Variants in LIFR observed in about 807,000 individuals in gnomAD.
LIFR encodes the protein leukemia inhibitory factor receptor.
A neutral mutation model predicts 122.2 loss-of-function variants in LIFR; 84 were observed. That is an observed-to-expected ratio of 0.69 (90% confidence interval 0.58 to 0.82). The LOEUF (loss-of-function observed/expected upper bound fraction) is 0.82. LIFR is among the 40% of genes least tolerant of loss of function. The pLI, the probability that LIFR is intolerant of heterozygous loss-of-function variation, is 0.00. For synonymous variants in LIFR, 422 were observed against 434.7 expected (o/e 0.97, Z 0.36); for missense variants, 1,294 against 1,311.6 (o/e 0.99, Z 0.21).
In LIFR at chr5:38,572,656, T is replaced by C. The variant is rs763721009; in HGVS notation, c.-20+22605A>G. Among the ~76,000 whole-genome samples the C allele has an allele frequency of 3.3e-5, 5 of 152,184 alleles. No homozygotes were observed. The East Asian group carries it at 7.7e-4, about 23-fold the overall frequency. ...GGGGGTCAGAATATCTTTCCAACGC[T>C]ATGCTTCAGGCAGTCATTTCCAATC... is the stretch of plus-strand genomic sequence containing the variant. On this transcript the variant is annotated intron_variant, in intron 1 of 19. Coordinates refer to the LIFR transcript ENST00000263409.
chr5:38,582,427 ATACT>A (rs1467891183), intron 1 of LIFR, among the ~76,000 whole-genome samples: 4 of 152,164 alleles, frequency 2.6e-5, no homozygotes, highest in Non-Finnish European at 5.9e-5. Flanking sequence ...TGTTCACTAA[ATACT>A]TACATCGTTT....
chr5:38,570,384 G>A (rs969791399), intron 1 of LIFR, among the ~76,000 whole-genome samples: 8 of 152,194 alleles, frequency 5.3e-5, no homozygotes, highest in Non-Finnish European at 1.5e-5. Context: ...ATTCTGTGGA[G>A]AGGACTTCAT....
intron 1 of LIFR, among the ~76,000 whole-genome samples, chr5:38,584,948 T>C (rs1244192775): frequency 1.3e-5 from 2 of 152,218 alleles, no homozygotes; most frequent in Non-Finnish European, 2.9e-5. Flanking sequence ...TATCTATTAA[T>C]ACATGCATCT....
At position 38,479,510 on chromosome 5, in the gene LIFR, T is replaced by C. The variant is rs531162642; in HGVS notation, c.*2085A>G. On this transcript the variant is annotated 3_prime_UTR_variant, in exon 20 of 20. Transcript: ENST00000453190. ...CAGATGGTCACAGTTGAAATGCATA[T>C]ATATTGACAGACAGAGATCAAACAA... 1.6e-4 allele frequency: 38 copies of C among 231,310 alleles called. No individual in the cohort carries two copies. The highest frequency in any genetic ancestry group is 7.1e-4 in the African/African-American group (32 of 45,364). The allele number at this position is 231,310 out of a possible 1,614,324, so 14.3% of individuals were successfully genotyped here.
chr5:38,536,485 T>C (rs1049958940), intron 1 of LIFR, among the ~76,000 whole-genome samples: 2 of 152,206 alleles, frequency 1.3e-5, no homozygotes, highest in African/African-American at 4.8e-5. Flanking sequence ...TACCACACCA[T>C]TTTATATTAG....
intron 1 of LIFR, among the ~76,000 whole-genome samples, chr5:38,548,831 T>C (rs913080559): frequency 9.9e-5 from 15 of 152,198 alleles, no homozygotes; most frequent in Non-Finnish European, 1.8e-4. Flanking sequence ...ACAAAATAGT[T>C]TGTCAGAATG....
At chr5:38,575,329 G>T (rs567676181) in intron 1 of LIFR, among the ~76,000 whole-genome samples, 1 of 152,264 alleles carries the variant, frequency 6.6e-6, no homozygotes, top group East Asian at 1.9e-4. Context: ...TGTTCTTAGT[G>T]TTTAGCTTAT....
chr5:38,566,147 C>CT (rs1749018038), intron 1 of LIFR, among the ~76,000 whole-genome samples: 1 of 152,080 alleles, frequency 6.6e-6, no homozygotes, highest in African/African-American at 2.4e-5. Flanking sequence ...TATCATAGCA[C>CT]TAGATGAAGT....
chr5:38,528,731 T>C lies in LIFR; in HGVS notation c.252A>G (p.Glu84=), dbSNP rs1746825840. 1.0e-5 allele frequency: 16 copies of C among 1,569,384 alleles called. No individual in the cohort carries two copies. The highest frequency in any genetic ancestry group is 1.4e-5 in the Non-Finnish European group (16 of 1,150,300). ...TTAAAGTAAATTAAAATTACCTGTT[T>C]TCAATGCAAACTTCATAATCAGTAC... ...GRGTDYEVCI[E]NRSRSCYQLE... is the part of the protein sequence containing the mutation. The change falls in exon 3 of 20, where the codon GAA becomes GAG. Residue 84 remains glutamate, a synonymous_variant. Coordinates refer to ENST00000453190, the MANE Select transcript of LIFR (RefSeq NM_001127671.2).
At chr5:38,499,353 C>T (rs1051942393) in intron 12 of LIFR, among the ~76,000 whole-genome samples, 160 bp downstream of exon 12, 7 of 151,974 alleles carry the variant, frequency 4.6e-5, no homozygotes, top group Admixed American at 3.3e-4. Context: ...TTAGGAGTGA[C>T]GAGGAATTTG....
rs75965322 is a variant in LIFR, at chr5:38,480,136, A to C, written c.*1459T>G. ...TAAAAAACAAACAAACAACCAAAAA[A>C]AACAAACAAAAAAGACATATCTTAT... On this transcript the variant is annotated 3_prime_UTR_variant, in exon 20 of 20. Transcript: ENST00000453190. 4,695 of 228,882 alleles carry C rather than the reference A, an allele frequency of 0.021. 535 individuals are homozygous for C. The East Asian group carries it at 0.25, about 12-fold the overall frequency. 14.2% of individuals were successfully genotyped at this position (228,882 alleles called of 1,614,324 possible).
intron 13 of LIFR, among the ~76,000 whole-genome samples, chr5:38,494,571 C>A (rs891051692): frequency 1.3e-5 from 2 of 152,038 alleles, no homozygotes; most frequent in Non-Finnish European, 2.9e-5. Context: ...GAACCCCAGG[C>A]TGGGGGTGAA....
At chr5:38,579,665 A>T (rs1749519401) in intron 1 of LIFR, 1 of 152,180 alleles carries the variant, frequency 6.6e-6, no homozygotes, top group African/African-American at 2.4e-5. Context: ...CAATAATTTG[A>T]GGTATACTCA....
intron 1 of LIFR, among the ~76,000 whole-genome samples, chr5:38,580,895 G>A (rs895723260): frequency 6.6e-6 from 1 of 152,104 alleles, no homozygotes; most frequent in Non-Finnish European, 1.5e-5. Context: ...TGCTTCAGAT[G>A]CTTATTACCA....
chr5:38,525,978 A>G (rs558090028), intron 4 of LIFR, among the ~76,000 whole-genome samples: 1 of 152,330 alleles, frequency 6.6e-6, no homozygotes, highest in Admixed American at 6.5e-5. Context: ...AAATACAAGT[A>G]ATATCCAACA....
At chr5:38,484,900 G>A (rs751935280) in intron 17 of LIFR, 32 bp from the exon 18 acceptor site, 37 of 1,444,786 alleles carry the variant, frequency 2.6e-5, no homozygotes, top group Non-Finnish European at 3.1e-5. Flanking sequence ...TATTAAAATC[G>A]CCATTTTTAG....
chr5:38,509,526 C>T (rs544381144), intron 7 of LIFR, among the ~76,000 whole-genome samples: 11 of 152,022 alleles, frequency 7.2e-5, no homozygotes, highest in African/African-American at 2.2e-4. Context: ...TATGAGTAAA[C>T]GAGAGAGCTG....
Position 38,501,771 on chromosome 5 carries a change from GT to G in LIFR, c.1600+865del, listed in dbSNP as rs901202565. ...AATAAAAAATTAAACCTATTTCTGA[GT>G]TTTTTTTTTTTTACACCTGACATCT... On this transcript the variant is annotated intron_variant, in intron 11 of 19. Coordinates refer to ENST00000453190, the MANE Select transcript of LIFR (RefSeq NM_001127671.2). Among the ~76,000 whole-genome samples the G allele has an allele frequency of 1.9e-3, 275 of 143,162 alleles. 1 individual carries two copies. The highest frequency in any genetic ancestry group is 4.6e-3 in the African/African-American group (182 of 39,390). 93.9% of individuals were successfully genotyped at this position (143,162 alleles called of 152,430 possible). A position where few individuals can be genotyped will look rare whatever the true frequency, so the allele number is the denominator to read the frequency against.
rs939185069 is a variant in LIFR at position 38,475,820 on chromosome 5, A to C, written c.*5775T>G. 1.1e-5 allele frequency: 2 copies of C among 189,106 alleles called. No individual in the cohort carries two copies. Among genetic ancestry groups the C allele is most frequent in the Non-Finnish European group, 2.2e-5 (2 of 89,746 alleles). The allele number at this position is 189,106 out of a possible 1,614,324, so 11.7% of individuals were successfully genotyped here. On this transcript the variant is annotated 3_prime_UTR_variant, in exon 20 of 20. Coordinates refer to ENST00000453190, the MANE Select transcript of LIFR (RefSeq NM_001127671.2). ...CTTATTAGGAAAGTTAAGTATTTTG[A>C]AATGATTTATTTTACCTTTCAACAT...
Sources: allele counts gnomAD v4.1 joint callset (sites outside exome capture counted in the v4.1 genomes callset), GRCh38; gene constraint gnomAD v4.1.1; transcripts MANE v1.5; gene names NCBI Gene and HGNC (gene_info 2026-07-23, HGNC 2026-07-21).